UNC5D: variants seen among roughly 807,000 people sequenced by gnomAD.
UNC5D encodes the protein unc-5 netrin receptor D.
A neutral mutation model predicts 105.4 loss-of-function variants in UNC5D; 39 were observed. That is an observed-to-expected ratio of 0.37 (90% CI 0.29 to 0.48). The LOEUF is 0.48. Among genes scored for constraint, UNC5D ranks in the 20% least tolerant of loss-of-function variants. The pLI, the probability that UNC5D is intolerant of heterozygous loss-of-function variation, is 0.98. For synonymous variants in UNC5D, 452 were observed against 450.4 expected (o/e 1.00, Z -0.04); for missense variants, 991 against 1,202.4 (o/e 0.82, Z 2.60).
intron 1 of UNC5D, among the ~76,000 whole-genome samples, chr8:35,308,412 C>T (rs1808606811): frequency 6.6e-6 from 1 of 152,146 alleles, no homozygotes; most frequent in Admixed American, 6.6e-5. Context: ...GGGTTAACCA[C>T]TACCCCAGGG....
At chr8:35,568,076 C>G in intron 2 of UNC5D, 22 bp from the exon 3 acceptor site, 1 of 1,612,586 alleles carries the variant, frequency 6.2e-7, no homozygotes, top group African/African-American at 1.3e-5. Context: ...GCTGATTTGT[C>G]TCTTATCTCT....
intron 1 of UNC5D, among the ~76,000 whole-genome samples, chr8:35,358,025 T>C (rs1801654031): frequency 6.6e-6 from 1 of 152,164 alleles, no homozygotes; most frequent in Admixed American, 6.5e-5. Context: ...CCCATATTTA[T>C]ATCAAATTTG....
intron 1 of UNC5D, among the ~76,000 whole-genome samples, chr8:35,419,707 G>A (rs1408582678): frequency 6.6e-6 from 1 of 152,198 alleles, no homozygotes; most frequent in East Asian, 1.9e-4. Context: ...GGTATGTGGT[G>A]CCCAGCAGCT....
intron 4 of UNC5D, among the ~76,000 whole-genome samples, chr8:35,620,060 G>T (rs1821264066): frequency 6.6e-6 from 1 of 152,144 alleles, no homozygotes; most frequent in Non-Finnish European, 1.5e-5. Flanking sequence ...AATAAAAGTA[G>T]CAACAAAAGA....
At chr8:35,542,527 T>A (rs923493179) in intron 1 of UNC5D, among the ~76,000 whole-genome samples, 1 of 152,212 alleles carries the variant, frequency 6.6e-6, no homozygotes, top group African/African-American at 2.4e-5. Context: ...TCTCCTATGT[T>A]TATTAACTAC....
At position 35,302,239 on chromosome 8, in the gene UNC5D, A is replaced by G. The variant is rs111724636; in HGVS notation, c.103+66352A>G. Among the ~76,000 whole-genome samples, 236 of 152,298 alleles carry G rather than the reference A, an allele frequency of 1.5e-3. 1 individual carries two copies. Among genetic ancestry groups the G allele is most frequent in the African/African-American group, 5.3e-3 (222 of 41,586 alleles). ...GAATGAGAGAAGCTCTGAGTCTCCA[A>G]ATTGAGATGGGCTGAGAGCCAAATC... On this transcript the variant is annotated intron_variant, in intron 1 of 16. Transcript: ENST00000404895.
At chr8:35,281,379 A>G (rs963854611) in intron 1 of UNC5D, among the ~76,000 whole-genome samples, 2 of 152,042 alleles carry the variant, frequency 1.3e-5, no homozygotes, top group African/African-American at 2.4e-5. Context: ...TCTTTGCACC[A>G]AATGAGTAAT....
chr8:35,374,407 A>G (rs993141010), intron 1 of UNC5D, among the ~76,000 whole-genome samples: 1 of 152,200 alleles, frequency 6.6e-6, no homozygotes, highest in East Asian at 1.9e-4. Flanking sequence ...AAAAGTTACT[A>G]TGAAAGCAGT....
chr8:35,740,142 A>G (rs1829684339), intron 11 of UNC5D, among the ~76,000 whole-genome samples: 1 of 152,216 alleles, frequency 6.6e-6, no homozygotes, highest in Admixed American at 6.5e-5. Flanking sequence ...CAAGGCATGA[A>G]AAGACTGGCA....
At chr8:35,491,411 A>T (rs1469647753) in intron 1 of UNC5D, among the ~76,000 whole-genome samples, 3 of 152,184 alleles carry the variant, frequency 2.0e-5, no homozygotes, top group Non-Finnish European at 2.9e-5. Context: ...AAATTAGATT[A>T]TACCTGGCTT....
At chr8:35,631,000 C>T (rs944754255) in intron 4 of UNC5D, among the ~76,000 whole-genome samples, 1 of 152,198 alleles carries the variant, frequency 6.6e-6, no homozygotes, top group African/African-American at 2.4e-5. Flanking sequence ...AATGTTTGAG[C>T]TGAAAGGAGT....
intron 1 of UNC5D, among the ~76,000 whole-genome samples, chr8:35,411,761 TAGAATCTCCAGGAGAGCA>T (rs1439926746): frequency 6.6e-6 from 1 of 152,044 alleles, no homozygotes; most frequent in African/African-American, 2.4e-5. Context: ...CCCCCTAGAA[TAGAATCTCCAGGAGAGCA>T]AGGACTGTTT....
At chr8:35,597,791 A>G (rs1166919184) in intron 4 of UNC5D, among the ~76,000 whole-genome samples, 1 of 152,084 alleles carries the variant, frequency 6.6e-6, no homozygotes, top group Non-Finnish European at 1.5e-5. Context: ...TGTATTAGTG[A>G]CCAACCAAAG....
At chr8:35,761,017 T>C (rs1024947850) in intron 14 of UNC5D, among the ~76,000 whole-genome samples, 6 of 152,134 alleles carry the variant, frequency 3.9e-5, no homozygotes, top group Non-Finnish European at 8.8e-5. Context: ...CACACAACCA[T>C]CTCTCATTCC....
rs535820503 is a variant in UNC5D, at chr8:35,455,080, G to T, written c.104-94212G>T. On this transcript the variant is annotated intron_variant, in intron 1 of 16. Coordinates refer to ENST00000404895, the MANE Select transcript of UNC5D (RefSeq NM_080872.4). ...TCTTAGGGTCTATAGAGACTTATAG[G>T]TTTACTCCAGTAAAAATTACTATAC... is the stretch of plus-strand genomic sequence containing the variant. Among the ~76,000 whole-genome samples the T allele has an allele frequency of 3.3e-5, 5 of 152,114 alleles. 1 individual carries two copies. In the South Asian group the frequency reaches 1.0e-3, roughly 32 times the overall value.
chr8:35,752,832 T>G (rs1830349848), intron 13 of UNC5D, among the ~76,000 whole-genome samples: 1 of 152,196 alleles, frequency 6.6e-6, no homozygotes, highest in Non-Finnish European at 1.5e-5. Context: ...AAAAGCTGAG[T>G]AAACTGGAGT....
chr8:35,375,410 T>C (rs1486031479), intron 1 of UNC5D, among the ~76,000 whole-genome samples: 1 of 152,162 alleles, frequency 6.6e-6, no homozygotes, highest in Non-Finnish European at 1.5e-5. Flanking sequence ...CAACAAATTC[T>C]ACATGGGGAA....
At chr8:35,265,883 A>AATAATG (rs1214312174) in intron 1 of UNC5D, among the ~76,000 whole-genome samples, 1 of 149,390 alleles carries the variant, frequency 6.7e-6, no homozygotes, top group African/African-American at 2.5e-5. Flanking sequence ...TAATAATAAT[A>AATAATG]ATAATAATAA....
chr8:35,730,922 G>T, intron 10 of UNC5D, 90 bp from the exon 11 acceptor site: 1 of 1,142,900 alleles, frequency 8.7e-7, no homozygotes, highest in Non-Finnish European at 1.3e-6. Flanking sequence ...AAAGTAGCTT[G>T]TTTTCCAGGT....
Sources: gnomAD v4.1 joint callset for allele counts (sites outside exome capture counted in the v4.1 genomes callset) on GRCh38, gnomAD v4.1.1 for gene constraint, MANE v1.5 for transcripts, NCBI Gene and HGNC (gene_info 2026-07-23, HGNC 2026-07-21) for gene names.